The following MROH2A variants were observed in gnomAD, a reference collection of about 807,000 sequenced individuals.
MROH2A encodes the protein maestro heat-like repeat-containing protein family member 2A.
A neutral mutation model predicts 200.4 loss-of-function variants in MROH2A; 174 were observed. The observed-to-expected ratio is 0.87, with a 90% CI of 0.77 to 0.98. The LOEUF (loss-of-function observed/expected upper bound fraction) is 0.98. MROH2A is among the 50% of genes least tolerant of loss of function. MROH2A has a pLI of 0.00. For missense variants in MROH2A, 2,045 were observed against 2,139.6 expected, an observed-to-expected ratio of 0.96 and a Z score of 0.87; for synonymous variants, 829 against 840.4, an observed-to-expected ratio of 0.99 and a Z score of 0.23.
At chr2:233,832,428 T>C in intron 40 of MROH2A, 149 bp downstream of exon 40, 1 of 949,408 alleles carries the variant, frequency 1.1e-6, no homozygotes, top group Non-Finnish European at 1.6e-6. Flanking sequence ...GTGCTTTCTA[T>C]CCCGTTTTGA....
At chr2:233,815,845 C>CTTTTT (rs5839494) in intron 26 of MROH2A, among the ~76,000 whole-genome samples, 1 of 129,250 alleles carries the variant, frequency 7.7e-6, no homozygotes, top group Non-Finnish European at 1.6e-5. Flanking sequence ...TTAGATTTTG[C>CTTTTT]TTTTTTTTTT....
intron 7 of MROH2A, 27 bp downstream of exon 7, chr2:233,793,851 C>A: frequency 7.3e-7 from 1 of 1,372,836 alleles, no homozygotes; most frequent in South Asian, 1.9e-5. Context: ...TTAGGAGGGC[C>A]TGGTGGTCCC....
intron 35 of MROH2A, among the ~76,000 whole-genome samples, chr2:233,825,767 C>G (rs772158886): frequency 2.6e-5 from 4 of 151,966 alleles, no homozygotes; most frequent in Non-Finnish European, 4.4e-5. Flanking sequence ...GGATATTGGC[C>G]TGAAGTTTTC....
At chr2:233,795,421 C>G (rs752533247) in intron 8 of MROH2A, among the ~76,000 whole-genome samples, 2 of 152,152 alleles carry the variant, frequency 1.3e-5, no homozygotes, top group Non-Finnish European at 2.9e-5. Context: ...CACTCAGGGG[C>G]CTAGCGCAGC....
In MROH2A at chr2:233,789,855, G is replaced by A. The variant is rs760194459; in HGVS notation, c.412G>A (p.Glu138Lys). The part of the protein sequence containing the change: ...SKEMREIPEM[E>K]GYMKAEVASD... ...GTCCCTCTTCTGTCTCCTGCAGATG[G>A]AGGGCTATATGAAGGCAGAGGTGGC... is the stretch of plus-strand genomic sequence containing the variant. The change falls in exon 5 of 42, where the codon GAG becomes AAG. Residue 138 changes from glutamate (E) to lysine (K), a missense_variant. Glu to Lys is a moderately conservative substitution (Grantham distance 56). Coordinates refer to ENST00000389758, the MANE Select transcript of MROH2A (RefSeq NM_001394639.1). 10 of 1,549,176 alleles carry A rather than the reference G, an allele frequency of 6.5e-6. No individual in the cohort carries two copies. The South Asian group carries it at 9.5e-5, about 15-fold the overall frequency.
At chr2:233,811,644 G>GGGCACAC (rs1468142345) in intron 23 of MROH2A, among the ~76,000 whole-genome samples, 4 of 152,356 alleles carry the variant, frequency 2.6e-5, no homozygotes, top group African/African-American at 9.6e-5. Context: ...GCTGGCCCAG[G>GGGCACAC]GGCACACAGC....
intron 23 of MROH2A, 127 bp downstream of exon 23, chr2:233,811,043 C>A: frequency 9.5e-7 from 1 of 1,047,920 alleles, no homozygotes; most frequent in Admixed American, 2.7e-5. Context: ...TGTCTTGGCT[C>A]TGCTTTGTCC....
intron 31 of MROH2A, among the ~76,000 whole-genome samples, chr2:233,821,843 G>A (rs1703956180): frequency 6.6e-6 from 1 of 152,166 alleles, no homozygotes; most frequent in Admixed American, 6.5e-5. Context: ...CATCAAACAG[G>A]TGGGGGTCTC....
At position 233,803,421 on chromosome 2, in the gene MROH2A, AGCTGGGGTT is replaced by A. The variant is rs1180958669; in HGVS notation, c.1709-24_1709-16del. On this transcript the variant is annotated intron_variant, in intron 15 of 41. Coordinates refer to ENST00000389758, the MANE Select transcript of MROH2A (RefSeq NM_001394639.1). ...GTCCTGGTACAAGCCAGGAAGGCTC[AGCTGGGGTT>A]GCATTTCCTTCAATCAGTGGACCTG... 6.4e-7 allele frequency: 1 copy of A among 1,550,460 alleles called. No homozygotes were observed. The highest frequency in any genetic ancestry group is 2.0e-5 in the Admixed American group (1 of 51,002).
rs1203859502 is a variant in MROH2A at position 233,796,321 on chromosome 2, A to AGGCAGGGTG, written c.1252+11_1252+19dup. On this transcript the variant is annotated intron_variant, in intron 11 of 41. Coordinates refer to ENST00000389758, the MANE Select transcript of MROH2A (RefSeq NM_001394639.1). ...CTATAGTGAGCGCAGATGGTGAGCA[A>AGGCAGGGTG]GGCAGGGTGGGTGGGGTGGGCGGGG... 1.9e-5 allele frequency: 1 copy of AGGCAGGGTG among 52,876 alleles called. No individual in the cohort carries two copies. The highest frequency in any genetic ancestry group is 4.9e-4 in the Admixed American group (1 of 2,060). The allele number at this position is 52,876 out of a possible 1,614,324, so 3.3% of individuals were successfully genotyped here. A position where few individuals can be genotyped will look rare whatever the true frequency, so the allele number is the denominator to read the frequency against.
chr2:233,831,613 T>C, intron 39 of MROH2A, 73 bp downstream of exon 39: 1 of 1,480,570 alleles, frequency 6.8e-7, no homozygotes, highest in Admixed American at 2.2e-5. Flanking sequence ...GGGTCGAGAT[T>C]GCCACAGCTC....
chr2:233,808,942 A>T (rs1702979474), intron 21 of MROH2A, among the ~76,000 whole-genome samples, 184 bp from the exon 22 acceptor site: 1 of 152,190 alleles, frequency 6.6e-6, no homozygotes, highest in African/African-American at 2.4e-5. Context: ...CTCAGTAAAG[A>T]TGCACTGAGT....
Position 233,800,161 on chromosome 2 carries a change from C to T in MROH2A, c.1450-44C>T, listed in dbSNP as rs1415035832. The stretch of plus-strand genomic sequence containing the variant: ...GACCACACCTGAGACCACGACAAAC[C>T]TCTGCTAGGCCACAGGTGGGAATCC... On this transcript the variant is annotated intron_variant, in intron 13 of 41. Coordinates refer to ENST00000389758, the MANE Select transcript of MROH2A (RefSeq NM_001394639.1). 27 of 1,412,844 alleles carry T rather than the reference C, an allele frequency of 1.9e-5. No individual in the cohort carries two copies. In the South Asian group the frequency reaches 3.6e-4, roughly 19 times the overall value. The allele number at this position is 1,412,844 out of a possible 1,614,324, so 87.5% of individuals were successfully genotyped here.
chr2:233,814,616 A>T lies in MROH2A; in HGVS notation c.2795A>T (p.Gln932Leu). ...GCAAATGCCCTGAGCTCCCTGGAGCAGCTGATGGAGAGCCTCCTGCAGAGG... is the reference window on the plus strand; with the variant it reads ...GCAAATGCCCTGAGCTCCCTGGAGCTGCTGATGGAGAGCCTCCTGCAGAGG... Reference protein sequence around the residue: ...LYANALSSLEQLMESLLQRQL... With the variant: ...LYANALSSLELLMESLLQRQL... Residue 932 changes from glutamine (Q) to leucine (L), a missense_variant, in exon 26 of 42, where the codon CAG becomes CTG. This residue lies in a region of MROH2A where 1,201 missense variants were observed against 1,311.3 expected (regional missense o/e 0.92). Transcript: ENST00000389758. 1 of 1,550,486 alleles carries T rather than the reference A, an allele frequency of 6.4e-7. No individual in the cohort carries two copies. Among genetic ancestry groups the T allele is most frequent in the Non-Finnish European group, 8.7e-7 (1 of 1,146,930 alleles).
intron 5 of MROH2A, among the ~76,000 whole-genome samples, chr2:233,791,796 CG>C (rs1431306546): frequency 6.6e-6 from 1 of 151,660 alleles, no homozygotes; most frequent in East Asian, 1.9e-4. Flanking sequence ...CTGGAGAAGG[CG>C]GGAGGTGGAA....
intron 39 of MROH2A, 102 bp from the exon 40 acceptor site, chr2:233,832,074 GC>G: frequency 4.4e-6 from 4 of 919,352 alleles, no homozygotes; most frequent in Non-Finnish European, 6.7e-6. Flanking sequence ...ATGGGCGCTT[GC>G]CCTCTCTGAT....
Position 233,807,921 on chromosome 2 carries a change from C to G in MROH2A, c.2295+66C>G, listed in dbSNP as rs376670618. ...TAGCACAGTGCTCTGGGCACTGACA[C>G]AAAGTCCTTTCTAGATCTCAGTAGG... On this transcript the variant is annotated intron_variant, in intron 21 of 41. Transcript: ENST00000389758. This position sits in a 1 kb window ranked among gnomAD's most constrained non-coding sequence, Gnocchi z 4.3. 21 of 1,542,856 alleles carry G rather than the reference C, an allele frequency of 1.4e-5. No individual in the cohort carries two copies. The East Asian group carries it at 3.4e-4, about 25-fold the overall frequency.
At chr2:233,781,292 CTT>C (rs1559429545) in intron 3 of MROH2A, among the ~76,000 whole-genome samples, 1 of 152,092 alleles carries the variant, frequency 6.6e-6, no homozygotes, top group Non-Finnish European at 1.5e-5. Context: ...TCTAGTTTTA[CTT>C]TTTTTGAGAA....
chr2:233,813,358 T>C (rs1375489707), intron 24 of MROH2A, among the ~76,000 whole-genome samples: 1 of 152,178 alleles, frequency 6.6e-6, no homozygotes, highest in African/African-American at 2.4e-5. Flanking sequence ...GAGGGCAGAT[T>C]CCATAGTTGC....
Sources: gnomAD v4.1 joint callset for allele counts (sites outside exome capture counted in the v4.1 genomes callset) on GRCh38, gnomAD v4.1.1 for gene constraint, gnomAD v4.1.1 regional missense constraint, Gnocchi (gnomAD v3.1) non-coding constraint, MANE v1.5 for transcripts, NCBI Gene and HGNC (gene_info 2026-07-23, HGNC 2026-07-21) for gene names.